KIAA1549: variants seen among roughly 807,000 people sequenced by gnomAD.
KIAA1549 encodes UPF0606 protein KIAA1549.
KIAA1549 carries 70 observed loss-of-function variants against 156.4 expected under a neutral mutation model. The ratio of observed to expected loss-of-function variants is 0.45; its 90% CI spans 0.37 to 0.55. The LOEUF (loss-of-function observed/expected upper bound fraction) is 0.55. Among genes scored for constraint, KIAA1549 ranks in the 20% least tolerant of loss-of-function variants. KIAA1549 has a pLI of 0.00. For missense variants in KIAA1549, 2,428 were observed against 2,540.9 expected, an observed-to-expected ratio of 0.96 and a Z score of 0.96; for synonymous variants, 1,103 against 1,066.4, an observed-to-expected ratio of 1.03 and a Z score of -0.67.
intron 8 of KIAA1549, among the ~76,000 whole-genome samples, chr7:138,901,419 G>A (rs977945335): frequency 2.7e-5 from 4 of 150,650 alleles, no homozygotes; most frequent in Admixed American, 6.6e-5. Flanking sequence ...TCCACCTCCC[G>A]GGTTCAAGTG....
chr7:138,900,169 T>C (rs1811801553), intron 8 of KIAA1549, among the ~76,000 whole-genome samples: 1 of 152,216 alleles, frequency 6.6e-6, no homozygotes, highest in South Asian at 2.1e-4. Flanking sequence ...GGACCCCTCC[T>C]TCACCACGGG....
At position 138,881,442 on chromosome 7, in the gene KIAA1549, T is replaced by A; in HGVS notation, c.4175A>T (p.Asp1392Val). 1 of 1,614,010 alleles carries A rather than the reference T, an allele frequency of 6.2e-7. No individual in the cohort carries two copies. Among genetic ancestry groups the A allele is most frequent in the Non-Finnish European group, 8.5e-7 (1 of 1,179,898 alleles). The change falls in exon 11 of 20, where the codon GAC becomes GTC. Residue 1392 changes from aspartate (D) to valine (V), a missense_variant. Asp to Val is a radical substitution (Grantham distance 152). Coordinates refer to ENST00000422774, the MANE Select transcript of KIAA1549 (RefSeq NM_001164665.2). Reference sequence around the variant, plus strand: ...GATCTTTGACTTGGGGCTTGGCACGTCTCCATTTTCCGAGGGCGTGGTGTG... The same window carrying A: ...GATCTTTGACTTGGGGCTTGGCACGACTCCATTTTCCGAGGGCGTGGTGTG... ...KDHTTPSENG[D>V]VPSPKSKIPS...
In KIAA1549 at chr7:138,867,240, G is replaced by C. The variant is rs145795310; in HGVS notation, c.4929+735C>G. ...TCCTCTCATTAGGAAACCCAGCCAG[G>C]CTAGCTCAGTCAGTAGAGTATGAGA... is the stretch of plus-strand genomic sequence containing the variant. On this transcript the variant is annotated intron_variant, in intron 15 of 19. Coordinates refer to ENST00000422774, the MANE Select transcript of KIAA1549 (RefSeq NM_001164665.2). Among the ~76,000 whole-genome samples, 1,422 of 152,236 alleles carry C rather than the reference G, an allele frequency of 9.3e-3. 8 individuals are homozygous for C. The highest frequency in any genetic ancestry group is 0.016 in the Non-Finnish European group (1,076 of 68,004).
chr7:138,896,679 C>T (rs146357200), intron 9 of KIAA1549, among the ~76,000 whole-genome samples: 73 of 151,920 alleles, frequency 4.8e-4, no homozygotes, highest in African/African-American at 1.6e-3. Context: ...CTTGCAGCCG[C>T]GACCTCCTGG....
rs887847281 is a variant in KIAA1549, at chr7:138,833,356, G to A, written c.*4550C>T. 4.3e-6 allele frequency: 1 copy of A among 232,550 alleles called. No individual in the cohort carries two copies. Among genetic ancestry groups the A allele is most frequent in the Non-Finnish European group, 8.5e-6 (1 of 117,646 alleles). The allele number at this position is 232,550 out of a possible 1,614,324, so 14.4% of individuals were successfully genotyped here. A position where few individuals can be genotyped will look rare whatever the true frequency, so the allele number is the denominator to read the frequency against. ...GCCAATGCACTGCAAATCAGTGTCC[G>A]AATGACTGGCTTGGTCACTGGAACA... On this transcript the variant is annotated 3_prime_UTR_variant, in exon 20 of 20. Coordinates refer to ENST00000422774, the MANE Select transcript of KIAA1549 (RefSeq NM_001164665.2).
At chr7:138,900,876 G>A (rs1163918922) in intron 8 of KIAA1549, among the ~76,000 whole-genome samples, 1 of 152,216 alleles carries the variant, frequency 6.6e-6, no homozygotes, top group African/African-American at 2.4e-5. Context: ...TTTTTGTATA[G>A]CCTGAAGAAC....
At chr7:138,840,643 G>A (rs963424328) in intron 18 of KIAA1549, among the ~76,000 whole-genome samples, 4 of 151,904 alleles carry the variant, frequency 2.6e-5, no homozygotes, top group East Asian at 3.9e-4. Context: ...CCCCCATTTC[G>A]CCCTCCCCAT....
At chr7:138,849,394 C>G (rs1002847012) in intron 17 of KIAA1549, among the ~76,000 whole-genome samples, 2 of 151,992 alleles carry the variant, frequency 1.3e-5, no homozygotes, top group Non-Finnish European at 2.9e-5. Flanking sequence ...GGCAAAACTT[C>G]CCCCCTAAAC....
At chr7:138,977,964 T>C (rs1814430202) in intron 1 of KIAA1549, among the ~76,000 whole-genome samples, 1 of 152,208 alleles carries the variant, frequency 6.6e-6, no homozygotes, top group African/African-American at 2.4e-5. Flanking sequence ...CTTCCCAAAG[T>C]GCTGGGATTA....
chr7:138,975,591 A>C (rs6952395), intron 1 of KIAA1549, among the ~76,000 whole-genome samples: 21,579 of 152,134 alleles, frequency 0.14, 1,594 homozygotes, highest in South Asian at 0.19. Flanking sequence ...GGACAAGGTA[A>C]CTTGTCCATA....
At chr7:138,840,519 G>A (rs991708143) in intron 18 of KIAA1549, among the ~76,000 whole-genome samples, 1 of 152,026 alleles carries the variant, frequency 6.6e-6, no homozygotes, top group African/African-American at 2.4e-5. Context: ...GTACCACGAA[G>A]CACCGTGGAC....
At chr7:138,930,246 G>A (rs1018378673) in intron 1 of KIAA1549, among the ~76,000 whole-genome samples, 1 of 152,184 alleles carries the variant, frequency 6.6e-6, no homozygotes, top group East Asian at 1.9e-4. Flanking sequence ...AGGCTGTGTT[G>A]TTTCACTTAC....
At chr7:138,919,461 G>T (rs1415855137) in intron 1 of KIAA1549, 23 bp from the exon 2 acceptor site, 6 of 1,603,282 alleles carry the variant, frequency 3.7e-6, no homozygotes, top group Middle Eastern at 1.7e-4. Context: ...TCAGAGCTGG[G>T]TTAGTGCAAT....
chr7:138,980,115 C>A (rs1227508120), intron 1 of KIAA1549, among the ~76,000 whole-genome samples: 1 of 152,200 alleles, frequency 6.6e-6, no homozygotes, highest in African/African-American at 2.4e-5. Context: ...TTCGGAGCAG[C>A]GTTCACGGCT....
chr7:138,938,126 A>T (rs58231963), intron 1 of KIAA1549, among the ~76,000 whole-genome samples: 5,399 of 152,182 alleles, frequency 0.035, 128 homozygotes, highest in African/African-American at 0.049. Flanking sequence ...TGTCCCTCTA[A>T]AAAAGGCCAG....
At position 138,832,197 on chromosome 7, in the gene KIAA1549, T is replaced by C. The variant is rs1809555150; in HGVS notation, c.*5709A>G. On this transcript the variant is annotated 3_prime_UTR_variant, in exon 20 of 20. Transcript: ENST00000422774. ...CTGTCCCTTTTACCTATTCCTTTTT[T>C]TTTTTTTTTTTTTTCCAGAGACAGG... The C allele has an allele frequency of 4.8e-6, 1 of 209,346 alleles. No individual in the cohort carries two copies. The highest frequency in any genetic ancestry group is 9.5e-6 in the Non-Finnish European group (1 of 104,840). The allele number at this position is 209,346 out of a possible 1,614,324, so 13.0% of individuals were successfully genotyped here. A position where few individuals can be genotyped will look rare whatever the true frequency, so the allele number is the denominator to read the frequency against.
intron 1 of KIAA1549, among the ~76,000 whole-genome samples, chr7:138,936,288 T>G (rs1305637767): frequency 2.0e-5 from 3 of 152,200 alleles, no homozygotes; most frequent in Non-Finnish European, 4.4e-5. Context: ...GCAATTCCAC[T>G]TGAGTATCCA....
In KIAA1549 at chr7:138,949,671, G is replaced by A. The variant is rs555609894; in HGVS notation, c.188-30233C>T. 3.1e-5 allele frequency among the ~76,000 whole-genome samples: 4 copies of A among 129,464 alleles called. No individual in the cohort carries two copies. In the East Asian group the frequency reaches 8.1e-4, roughly 26 times the overall value. 84.9% of individuals were successfully genotyped at this position (129,464 alleles called of 152,430 possible). A position where few individuals can be genotyped will look rare whatever the true frequency, so the allele number is the denominator to read the frequency against. On this transcript the variant is annotated intron_variant, in intron 1 of 19. Transcript: ENST00000422774. ...CTCAAGCTTAACAGGAGAGTACCAG[G>A]AAATGTTTGCCTCAAGGTTAAAAAA... is the stretch of plus-strand genomic sequence containing the variant.
At chr7:138,852,445 G>A (rs1347492671) in intron 16 of KIAA1549, among the ~76,000 whole-genome samples, 176 bp from the exon 17 acceptor site, 4 of 152,160 alleles carry the variant, frequency 2.6e-5, no homozygotes, top group Non-Finnish European at 5.9e-5. Context: ...GTTTCGGTTC[G>A]AGGACCTGCA....
Sources: gnomAD v4.1 joint callset for allele counts (sites outside exome capture counted in the v4.1 genomes callset) on GRCh38, gnomAD v4.1.1 for gene constraint, MANE v1.5 for transcripts, NCBI Gene and HGNC (gene_info 2026-07-23, HGNC 2026-07-21) for gene names.